Variants in CRMP1 observed in about 807,000 individuals in gnomAD.
CRMP1 encodes the protein collapsin response mediator protein 1.
In CRMP1, 19 loss-of-function variants were observed where a neutral mutation model predicts 68.3. The ratio of observed to expected loss-of-function variants is 0.28; its 90% confidence interval spans 0.19 to 0.41. The LOEUF is 0.41. Ranked by LOEUF, CRMP1 falls within the 10% of genes least tolerant of loss-of-function variation. The pLI is 1.00. For missense variants in CRMP1, 791 were observed against 967.4 expected (o/e 0.82, Z 2.42); for synonymous variants, 439 against 399.6 (o/e 1.10, Z -1.18).
In CRMP1 at chr4:5,843,232, C is replaced by G. The variant is rs972725781; in HGVS notation, c.964-71G>C. On this transcript the variant is annotated intron_variant, in intron 6 of 13. Transcript: ENST00000324989. The surrounding 1 kb of genome is among the most constrained non-coding windows in gnomAD (Gnocchi z 4.1). Reference sequence around the variant, plus strand: ...CTGGGAGAAGTGACTCCTCCAACCCCCTGGTTAGACAGAGGGGGCAGCTGG... The same window carrying G: ...CTGGGAGAAGTGACTCCTCCAACCCGCTGGTTAGACAGAGGGGGCAGCTGG... 2 of 1,517,158 alleles carry G rather than the reference C, an allele frequency of 1.3e-6. No homozygotes were observed. Among genetic ancestry groups the G allele is most frequent in the East Asian group, 2.3e-5 (1 of 44,386 alleles). 94.0% of individuals were successfully genotyped at this position (1,517,158 alleles called of 1,614,324 possible). A position where few individuals can be genotyped will look rare whatever the true frequency, so the allele number is the denominator to read the frequency against.
At chr4:5,824,233 T>C (rs2152434319) in intron 13 of CRMP1, 2 of 944,754 alleles carry the variant, frequency 2.1e-6, no homozygotes, top group Non-Finnish European at 2.5e-6. Flanking sequence ...TGCACCCAGA[T>C]AGCTTTTTCC....
chr4:5,839,764 G>A, intron 8 of CRMP1, 86 bp from the exon 9 acceptor site: 4 of 1,418,202 alleles, frequency 2.8e-6, no homozygotes, highest in Non-Finnish European at 3.8e-6. Flanking sequence ...AGACTGTGGA[G>A]GGAGAACGGG....
At position 5,888,493 on chromosome 4, in the gene CRMP1, G is replaced by A; in HGVS notation, c.381+4096C>T. ...ACCGCCCGGATCGGCGAGGAGGGCGGGAGAAGGAGGAGGGAGAGGCGAGGG... is the reference window on the plus strand; with the variant it reads ...ACCGCCCGGATCGGCGAGGAGGGCGAGAGAAGGAGGAGGGAGAGGCGAGGG... On this transcript the variant is annotated intron_variant, in intron 1 of 13. Transcript: ENST00000324989. This position sits in a 1 kb window ranked among gnomAD's most constrained non-coding sequence, Gnocchi z 6.4. 1 of 1,202,690 alleles carries A rather than the reference G, an allele frequency of 8.3e-7. No homozygotes were observed. The highest frequency in any genetic ancestry group is 1.0e-6 in the Non-Finnish European group (1 of 969,486). The allele number at this position is 1,202,690 out of a possible 1,614,324, so 74.5% of individuals were successfully genotyped here.
intron 6 of CRMP1, among the ~76,000 whole-genome samples, chr4:5,848,444 C>T (rs937850552): frequency 6.6e-6 from 1 of 152,192 alleles, no homozygotes; most frequent in Non-Finnish European, 1.5e-5. Context: ...CAGCCCACCT[C>T]GGCCTCTCAA....
intron 3 of CRMP1, among the ~76,000 whole-genome samples, chr4:5,857,100 C>T (rs1319949578): frequency 1.0e-5 from 1 of 97,812 alleles, no homozygotes; most frequent in African/African-American, 3.8e-5. Flanking sequence ...TCACTAACAT[C>T]ACCACCACCA....
chr4:5,890,498 G>A lies in CRMP1; in HGVS notation c.381+2091C>T, dbSNP rs1715893906. 6.6e-6 allele frequency among the ~76,000 whole-genome samples: 1 copy of A among 152,238 alleles called. No individual in the cohort carries two copies. The highest frequency in any genetic ancestry group is 6.5e-5 in the Admixed American group (1 of 15,286). On this transcript the variant is annotated intron_variant, in intron 1 of 13. Coordinates refer to ENST00000324989, the MANE Select transcript of CRMP1 (RefSeq NM_001014809.3). The surrounding 1 kb of genome is among the most constrained non-coding windows in gnomAD (Gnocchi z 5.5). ...GCCCGCCCCGGAACCCGAGCCCACT[G>A]TAACCCAAGCCTCAAGGCCGCTCTG...
In CRMP1 at chr4:5,889,613, T is replaced by A. The variant is rs1419526785; in HGVS notation, c.381+2976A>T. 1.3e-6 allele frequency: 2 copies of A among 1,536,042 alleles called. No homozygotes were observed. Among genetic ancestry groups the A allele is most frequent in the Non-Finnish European group, 1.7e-6 (2 of 1,146,906 alleles). On this transcript the variant is annotated intron_variant, in intron 1 of 13. Transcript: ENST00000324989. The surrounding 1 kb of genome is among the most constrained non-coding windows in gnomAD (Gnocchi z 4.5). Reference sequence around the variant, plus strand: ...AGGTGCCCCAAGTTCCCAGGCAGAATAAAACACCAACCTTGTCCACCACTT... The same window carrying A: ...AGGTGCCCCAAGTTCCCAGGCAGAAAAAAACACCAACCTTGTCCACCACTT...
chr4:5,864,255 G>A (rs994844348), intron 2 of CRMP1, among the ~76,000 whole-genome samples: 2 of 152,146 alleles, frequency 1.3e-5, no homozygotes, highest in Non-Finnish European at 2.9e-5. Context: ...GCAGCAGGTG[G>A]TGTGTGGGAT....
rs1401538801 is a variant in CRMP1 at position 5,855,160 on chromosome 4, A to G, written c.820+983T>C. 6.6e-6 allele frequency among the ~76,000 whole-genome samples: 1 copy of G among 152,256 alleles called. No homozygotes were observed. The highest frequency in any genetic ancestry group is 1.9e-4 in the East Asian group (1 of 5,198). On this transcript the variant is annotated intron_variant, in intron 4 of 13. Coordinates refer to ENST00000324989, the MANE Select transcript of CRMP1 (RefSeq NM_001014809.3). This position sits in a 1 kb window ranked among gnomAD's most constrained non-coding sequence, Gnocchi z 4.9. ...TAGGGGAAAAATCATCCAAATACAC[A>G]GGGAATGGAAAGCAATAATCCTGCA... is the stretch of plus-strand genomic sequence containing the variant.
In CRMP1 at chr4:5,877,133, A is replaced by G; in HGVS notation, c.382-10377T>C. 6.6e-6 allele frequency among the ~76,000 whole-genome samples: 1 copy of G among 152,180 alleles called. No individual in the cohort carries two copies. Among genetic ancestry groups the G allele is most frequent in the Admixed American group, 6.5e-5 (1 of 15,274 alleles). On this transcript the variant is annotated intron_variant, in intron 1 of 13. Coordinates refer to ENST00000324989, the MANE Select transcript of CRMP1 (RefSeq NM_001014809.3). This position sits in a 1 kb window ranked among gnomAD's most constrained non-coding sequence, Gnocchi z 4.3. ...GGACCCAAGGAGTGGCAGCCCCAGA[A>G]TGAGAGGATTTGAGGAGCACACCTG...
chr4:5,828,453 C>T, intron 12 of CRMP1, 36 bp downstream of exon 12: 1 of 1,601,982 alleles, frequency 6.2e-7, no homozygotes, highest in Non-Finnish European at 8.5e-7. Context: ...GGCTCTGGTC[C>T]CACGGGTGGG....
rs61493409 is a variant in CRMP1 at position 5,845,192 on chromosome 4, C to T, written c.964-2031G>A. Among the ~76,000 whole-genome samples, 240 of 152,286 alleles carry T rather than the reference C, an allele frequency of 1.6e-3. 1 individual carries two copies. The highest frequency in any genetic ancestry group is 5.4e-3 in the African/African-American group (223 of 41,566). Reference sequence around the variant, plus strand: ...CTTCTAAGATGACTCCCAGTGATCCCGCCTCCTGCTTTTCAAGGCCCTGCA... The same window carrying T: ...CTTCTAAGATGACTCCCAGTGATCCTGCCTCCTGCTTTTCAAGGCCCTGCA... On this transcript the variant is annotated intron_variant, in intron 6 of 13. Transcript: ENST00000324989.
intron 6 of CRMP1, among the ~76,000 whole-genome samples, chr4:5,846,251 G>A (rs1330356034): frequency 6.6e-6 from 1 of 152,136 alleles, no homozygotes; most frequent in East Asian, 1.9e-4. Flanking sequence ...AGCCAAGATT[G>A]CACCACTGTA....
chr4:5,861,183 A>T lies in CRMP1; in HGVS notation c.498T>A (p.Pro166=), dbSNP rs1320224345. The T allele has an allele frequency of 1.9e-6, 3 of 1,614,072 alleles. No homozygotes were observed. The highest frequency in any genetic ancestry group is 2.5e-6 in the Non-Finnish European group (3 of 1,180,034). The stretch of plus-strand genomic sequence containing the variant: ...TGGCTTCAATGGTCTTCACTCCACC[A>T]GGAACGATTAAGTTCTCTCCTATTT... The part of the protein sequence containing the change: ...IKQIGENLIV[P]GGVKTIEANG... The change falls in exon 3 of 14, where the codon CCT becomes CCA. Residue 166 remains proline (P), a synonymous_variant. Transcript: ENST00000324989. This position sits in a 1 kb window ranked among gnomAD's most constrained non-coding sequence, Gnocchi z 6.0.
chr4:5,821,586 AAC>A lies in CRMP1; in HGVS notation c.*172_*173del, dbSNP rs1401174429. ...CTGTGGGGCAAGGAATTTCCAAGCAAACACACCACACTAGTACCACTTCTTCC... is the reference window on the plus strand; with the variant it reads ...CTGTGGGGCAAGGAATTTCCAAGCAAACACCACACTAGTACCACTTCTTCC... On this transcript the variant is annotated 3_prime_UTR_variant, in exon 14 of 14. Transcript: ENST00000324989. This position sits in a 1 kb window ranked among gnomAD's most constrained non-coding sequence, Gnocchi z 4.4. 1 of 635,056 alleles carries A rather than the reference AAC, an allele frequency of 1.6e-6. No homozygotes were observed. Among genetic ancestry groups the A allele is most frequent in the African/African-American group, 1.8e-5 (1 of 54,740 alleles). The allele number at this position is 635,056 out of a possible 1,614,324, so 39.3% of individuals were successfully genotyped here.
chr4:5,823,300 T>C (rs1048480055), intron 13 of CRMP1, among the ~76,000 whole-genome samples: 6 of 152,354 alleles, frequency 3.9e-5, no homozygotes, highest in African/African-American at 1.2e-4. Flanking sequence ...TTTTCTCCCA[T>C]TGTTTCACTG....
rs899546743 is a variant in CRMP1, at chr4:5,858,722, T to C, written c.655+2304A>G. On this transcript the variant is annotated intron_variant, in intron 3 of 13. Coordinates refer to ENST00000324989, the MANE Select transcript of CRMP1 (RefSeq NM_001014809.3). This position sits in a 1 kb window ranked among gnomAD's most constrained non-coding sequence, Gnocchi z 5.5. ...TCTCCCTGCTTAAAATACCTCAACA[T>C]TGCCCATCACCCATATGAGAAAGAG... Among the ~76,000 whole-genome samples the C allele has an allele frequency of 6.6e-6, 1 of 152,064 alleles. No individual in the cohort carries two copies. Among genetic ancestry groups the C allele is most frequent in the African/African-American group, 2.4e-5 (1 of 41,382 alleles).
chr4:5,843,438 G>A lies in CRMP1; in HGVS notation c.964-277C>T, dbSNP rs780221373. 2.0e-5 allele frequency among the ~76,000 whole-genome samples: 3 copies of A among 152,120 alleles called. No homozygotes were observed. The highest frequency in any genetic ancestry group is 2.1e-4 in the South Asian group (1 of 4,804). Reference sequence around the variant, plus strand: ...GAGAGGAAGCAGGGTTATAAGACACGAGCTTCCAAGGCCACCCACCACTCT... The same window carrying A: ...GAGAGGAAGCAGGGTTATAAGACACAAGCTTCCAAGGCCACCCACCACTCT... On this transcript the variant is annotated intron_variant, in intron 6 of 13. Coordinates refer to ENST00000324989, the MANE Select transcript of CRMP1 (RefSeq NM_001014809.3). The surrounding 1 kb of genome is among the most constrained non-coding windows in gnomAD (Gnocchi z 4.1).
chr4:5,857,120 T>TCAC (rs879596624), intron 3 of CRMP1, among the ~76,000 whole-genome samples: 2 of 122,224 alleles, frequency 1.6e-5, no homozygotes, highest in South Asian at 2.8e-4. Flanking sequence ...ACCACAATCA[T>TCAC]CACCATCACC....
Sources: allele counts gnomAD v4.1 joint callset (sites outside exome capture counted in the v4.1 genomes callset), GRCh38; gene constraint gnomAD v4.1.1; non-coding constraint Gnocchi (gnomAD v3.1); transcripts MANE v1.5; gene names NCBI Gene and HGNC (gene_info 2026-07-23, HGNC 2026-07-21).